BMP2: variants seen among roughly 807,000 people sequenced by gnomAD.
BMP2 encodes the protein bone morphogenetic protein 2, also known as bone morphogenetic protein 2A.
Under a neutral mutation model 28.8 loss-of-function variants are expected in BMP2, and 2 were observed. The observed-to-expected ratio is 0.07, with a 90% CI of 0.03 to 0.22. BMP2 has a LOEUF of 0.22. Among genes scored for constraint, BMP2 ranks in the 10% least tolerant of loss-of-function variants. BMP2 has a pLI of 1.00. For missense variants in BMP2, 437 were observed against 517.7 expected (o/e 0.84, Z 1.51); for synonymous variants, 218 against 204.3 (o/e 1.07, Z -0.57).
chr20:6,770,327 C>T lies in BMP2; in HGVS notation c.201C>T (p.Pro67=). ...GCATGTTCGGCCTGAAACAGAGACC[C>T]ACCCCCAGCAGGGACGCCGTGGTGC... ...LLSMFGLKQR[P]TPSRDAVVPP... The change falls in exon 2 of 3, where the codon CCC becomes CCT. Residue 67 remains proline (P), a synonymous_variant. Coordinates refer to ENST00000378827, the MANE Select transcript of BMP2 (RefSeq NM_001200.4). The T allele has an allele frequency of 2.5e-6, 4 of 1,613,538 alleles. No individual in the cohort carries two copies. The highest frequency in any genetic ancestry group is 3.4e-6 in the Non-Finnish European group (4 of 1,179,960).
At chr20:6,769,751 G>C (rs1257042567) in intron 1 of BMP2, among the ~76,000 whole-genome samples, 2 of 152,080 alleles carry the variant, frequency 1.3e-5, no homozygotes, top group Admixed American at 6.5e-5. Flanking sequence ...TTGTATAGGG[G>C]ACGCAGGGTG....
intron 2 of BMP2, among the ~76,000 whole-genome samples, chr20:6,773,622 G>A (rs1276291034): frequency 6.6e-6 from 1 of 152,176 alleles, no homozygotes; most frequent in Non-Finnish European, 1.5e-5. Context: ...TTAAGGGTGG[G>A]CAGAGGCCAA....
chr20:6,767,715 C>A lies in BMP2; in HGVS notation c.-1168C>A. 1 of 156,606 alleles carries A rather than the reference C, an allele frequency of 6.4e-6. No homozygotes were observed. Among genetic ancestry groups the A allele is most frequent in the South Asian group, 1.8e-4 (1 of 5,690 alleles). The allele number at this position is 156,606 out of a possible 1,614,324, so 9.7% of individuals were successfully genotyped here. On this transcript the variant is annotated 5_prime_UTR_variant, in exon 1 of 3. Transcript: ENST00000378827. The stretch of plus-strand genomic sequence containing the variant: ...CCGCCGCCGTCGCCGCCGCCGGAGT[C>A]CTCGCCCCGCCGCGCTGCGCCCGGC...
At chr20:6,777,477 CA>C (rs988985264) in intron 2 of BMP2, among the ~76,000 whole-genome samples, 2 of 151,862 alleles carry the variant, frequency 1.3e-5, no homozygotes, top group African/African-American at 4.8e-5. Flanking sequence ...ATTTTTCTTC[CA>C]AAAGCATCTA....
rs1986568261 is a variant in BMP2, at chr20:6,779,090, T to G, written c.*1T>G. On this transcript the variant is annotated 3_prime_UTR_variant, in exon 3 of 3. Coordinates refer to ENST00000378827, the MANE Select transcript of BMP2 (RefSeq NM_001200.4). Reference sequence around the variant, plus strand: ...TGTGGAGGGTTGTGGGTGTCGCTAGTACAGCAAAATTAAATACATAAATAT... The same window carrying G: ...TGTGGAGGGTTGTGGGTGTCGCTAGGACAGCAAAATTAAATACATAAATAT... 2 of 1,479,804 alleles carry G rather than the reference T, an allele frequency of 1.4e-6. No individual in the cohort carries two copies. 91.7% of individuals were successfully genotyped at this position (1,479,804 alleles called of 1,614,324 possible).
Position 6,770,068 on chromosome 20 carries a change from G to T in BMP2, c.-7-52G>T, listed in dbSNP as rs1027134192. 11 of 1,472,228 alleles carry T rather than the reference G, an allele frequency of 7.5e-6. No homozygotes were observed. In the South Asian group the frequency reaches 1.1e-4, roughly 14 times the overall value. The allele number at this position is 1,472,228 out of a possible 1,614,324, so 91.2% of individuals were successfully genotyped here. A position where few individuals can be genotyped will look rare whatever the true frequency, so the allele number is the denominator to read the frequency against. On this transcript the variant is annotated intron_variant, in intron 1 of 2. Transcript: ENST00000378827. ...GGAGACCGGGCCGCGGGGGCGCGAG[G>T]GGGGAGGACTGGGCGGGGAACTCGG...
At position 6,779,749 on chromosome 20, in the gene BMP2, G is replaced by T. The variant is rs1283380090; in HGVS notation, c.*660G>T. On this transcript the variant is annotated 3_prime_UTR_variant, in exon 3 of 3. Transcript: ENST00000378827. ...CTTATTAGGTGGAATATTTGGATAA[G>T]AACCAGACATTGCTGATCTATTATA... The T allele has an allele frequency of 1.3e-5, 2 of 152,568 alleles. No individual in the cohort carries two copies. The highest frequency in any genetic ancestry group is 4.8e-5 in the African/African-American group (2 of 41,440). The allele number at this position is 152,568 out of a possible 1,614,324, so 9.5% of individuals were successfully genotyped here. A position where few individuals can be genotyped will look rare whatever the true frequency, so the allele number is the denominator to read the frequency against.
At chr20:6,774,759 A>C (rs1046779887) in intron 2 of BMP2, among the ~76,000 whole-genome samples, 1 of 152,212 alleles carries the variant, frequency 6.6e-6, no homozygotes, top group African/African-American at 2.4e-5. Context: ...ACTCAAAAAA[A>C]GCATTCAGCT....
At chr20:6,772,666 G>A (rs1986422859) in intron 2 of BMP2, among the ~76,000 whole-genome samples, 1 of 152,292 alleles carries the variant, frequency 6.6e-6, no homozygotes, top group East Asian at 1.9e-4. Flanking sequence ...AGAATTACCT[G>A]TTGGGTTTTC....
rs776468417 is a variant in BMP2 at position 6,770,478 on chromosome 20, G to T, written c.346+6G>T. ...GCGCAGCTTCCACCATGAAGGTGAG[G>T]CATGGAGCAGGGCGTGGGGGCGGGG... On this transcript the variant is annotated splice_donor_region_variant and intron_variant, in intron 2 of 2. Coordinates refer to ENST00000378827, the MANE Select transcript of BMP2 (RefSeq NM_001200.4). 5.1e-6 allele frequency: 8 copies of T among 1,579,396 alleles called. No homozygotes were observed. Among genetic ancestry groups the T allele is most frequent in the Non-Finnish European group, 6.9e-6 (8 of 1,158,028 alleles).
At chr20:6,770,861 C>A (rs1600170572) in intron 2 of BMP2, among the ~76,000 whole-genome samples, 1 of 152,176 alleles carries the variant, frequency 6.6e-6, no homozygotes, top group Non-Finnish European at 1.5e-5. Context: ...TGTTTGGAAG[C>A]TTTTGCTCTA....
chr20:6,768,713 AAG>A lies in BMP2; in HGVS notation c.-164_-163del, dbSNP rs1986317554. The A allele has an allele frequency of 2.5e-6, 1 of 396,986 alleles. No individual in the cohort carries two copies. Among genetic ancestry groups the A allele is most frequent in the African/African-American group, 2.1e-5 (1 of 48,576 alleles). 24.6% of individuals were successfully genotyped at this position (396,986 alleles called of 1,614,324 possible). Reference sequence around the variant, plus strand: ...ACTGAGACGCTGTTCCCAGCGTGAAAAGAGAGACTGCGCGGCCGGCACCCGGG... The same window carrying A: ...ACTGAGACGCTGTTCCCAGCGTGAAAAGAGACTGCGCGGCCGGCACCCGGG... On this transcript the variant is annotated 5_prime_UTR_variant, in exon 1 of 3. Transcript: ENST00000378827.
chr20:6,772,555 G>C (rs1304429588), intron 2 of BMP2, among the ~76,000 whole-genome samples: 1 of 152,066 alleles, frequency 6.6e-6, no homozygotes, highest in East Asian at 1.9e-4. Flanking sequence ...AAAAGTTTTT[G>C]GTAAACCATG....
At chr20:6,774,269 T>C (rs1875274) in intron 2 of BMP2, among the ~76,000 whole-genome samples, 40,441 of 151,902 alleles carry the variant, frequency 0.27, 5,655 homozygotes, top group East Asian at 0.35. Context: ...CTAATACCTG[T>C]AATCCCAGCA....
Position 6,768,093 on chromosome 20 carries a change from G to A in BMP2, c.-790G>A, listed in dbSNP as rs115405923. 7.8e-4 allele frequency: 309 copies of A among 398,236 alleles called. 3 individuals carry two copies. Among genetic ancestry groups the A allele is most frequent in the African/African-American group, 5.9e-3 (286 of 48,706 alleles). 24.7% of individuals were successfully genotyped at this position (398,236 alleles called of 1,614,324 possible). ...TGGCCGAGGTGTGATCGGACCCCAG[G>A]CTAGCCACAAAGGGCACTTGGCCCC... On this transcript the variant is annotated 5_prime_UTR_variant, in exon 1 of 3. Coordinates refer to ENST00000378827, the MANE Select transcript of BMP2 (RefSeq NM_001200.4).
chr20:6,778,757 A>C lies in BMP2; in HGVS notation c.859A>C (p.Lys287Gln). ...HKREKRQAKH[K>Q]QRKRLKSSCK... ...AAGAGAAAAACGTCAAGCCAAACAC[A>C]AACAGCGGAAACGCCTTAAGTCCAG... The change falls in exon 3 of 3, where the codon AAA (lysine) becomes CAA (glutamine). Residue 287 changes from lysine to glutamine, a missense_variant. By Grantham distance (53) the Lys-to-Gln change is moderately conservative. This residue lies in a region of BMP2 where 363 missense variants were observed against 392.8 expected (regional missense o/e 0.92). Coordinates refer to ENST00000378827, the MANE Select transcript of BMP2 (RefSeq NM_001200.4). The surrounding 1 kb of genome is among the most constrained non-coding windows in gnomAD (Gnocchi z 5.0). 1 of 1,614,216 alleles carries C rather than the reference A, an allele frequency of 6.2e-7. No homozygotes were observed. The highest frequency in any genetic ancestry group is 2.2e-5 in the East Asian group (1 of 44,880).
Position 6,770,203 on chromosome 20 carries a change from C to A in BMP2, c.77C>A (p.Pro26Gln). 2 of 1,590,496 alleles carry A rather than the reference C, an allele frequency of 1.3e-6. No homozygotes were observed. Among genetic ancestry groups the A allele is most frequent in the Middle Eastern group, 1.7e-4 (1 of 6,038 alleles). The change falls in exon 2 of 3, where the codon CCG (proline) becomes CAG (glutamine). Residue 26 changes from proline to glutamine, a missense_variant. Pro to Gln is a moderately conservative substitution (Grantham distance 76). Coordinates refer to ENST00000378827, the MANE Select transcript of BMP2 (RefSeq NM_001200.4). ...CTGGGCGGCGCGGCTGGCCTCGTTC[C>A]GGAGCTGGGCCGCAGGAAGTTCGCG... ...VLLGGAAGLV[P>Q]ELGRRKFAAA...
intron 2 of BMP2, among the ~76,000 whole-genome samples, chr20:6,773,006 A>C (rs892527538): frequency 6.6e-6 from 1 of 152,228 alleles, no homozygotes; most frequent in Non-Finnish European, 1.5e-5. Context: ...AAACACATTG[A>C]AACTGGTTGA....
chr20:6,768,050 C>G lies in BMP2; in HGVS notation c.-833C>G, dbSNP rs937340084. On this transcript the variant is annotated 5_prime_UTR_variant, in exon 1 of 3. The change creates a new upstream start codon in the 5' untranslated region. Transcript: ENST00000378827. The stretch of plus-strand genomic sequence containing the variant: ...ATGCGGAGCACCTACTGCAGGAGAT[C>G]GGGGGCCTGGGACGCGCTGGCCGAG... 4 of 398,212 alleles carry G rather than the reference C, an allele frequency of 1.0e-5. No individual in the cohort carries two copies. The highest frequency in any genetic ancestry group is 4.4e-5 in the Admixed American group (1 of 22,714). 24.7% of individuals were successfully genotyped at this position (398,212 alleles called of 1,614,324 possible).
Sources: allele counts gnomAD v4.1 joint callset (sites outside exome capture counted in the v4.1 genomes callset), GRCh38; gene constraint gnomAD v4.1.1; regional missense constraint gnomAD v4.1.1; non-coding constraint Gnocchi (gnomAD v3.1); transcripts MANE v1.5; gene names NCBI Gene and HGNC (gene_info 2026-07-23, HGNC 2026-07-21).